The following SPARC variants were observed in gnomAD, a reference collection of about 807,000 sequenced individuals.
SPARC encodes the protein secreted protein acidic and cysteine rich.
SPARC carries 23 observed loss-of-function variants against 37.7 expected under a neutral mutation model. The observed-to-expected ratio is 0.61, with a 90% confidence interval of 0.44 to 0.87. SPARC has a LOEUF of 0.87. Among genes scored for constraint, SPARC ranks in the 40% least tolerant of loss-of-function variants. The probability of loss-of-function intolerance (pLI) is 0.00; values close to 1 mark genes in which losing one functional copy is unlikely to be tolerated. For missense variants in SPARC, 312 were observed against 389.0 expected (o/e 0.80, Z 1.66); for synonymous variants, 155 against 150.8 (o/e 1.03, Z -0.20).
At chr5:151,667,361 T>C (rs1760646058) in intron 7 of SPARC, 106 bp downstream of exon 7, 23 of 1,300,910 alleles carry the variant, frequency 1.8e-5, no homozygotes, top group South Asian at 5.0e-5. Flanking sequence ...CAGGGGTAAA[T>C]GCACGCTCCG....
rs1760496263 is a variant in SPARC, at chr5:151,661,320, CT to C, written c.*2250del. On this transcript the variant is annotated 3_prime_UTR_variant, in exon 10 of 10. Transcript: ENST00000231061. ...TGCTGAAATTTACTTCAATTCCTCT[CT>C]CTACAGATTCCTAGAGATTATGAGA... 1 of 152,190 alleles carries C rather than the reference CT, an allele frequency of 6.6e-6. No homozygotes were observed. Among genetic ancestry groups the C allele is most frequent in the Non-Finnish European group, 1.5e-5 (1 of 68,042 alleles). The allele number at this position is 152,190 out of a possible 1,614,324, so 9.4% of individuals were successfully genotyped here. A position where few individuals can be genotyped will look rare whatever the true frequency, so the allele number is the denominator to read the frequency against.
chr5:151,678,578 G>C (rs538851813), intron 1 of SPARC, among the ~76,000 whole-genome samples: 11 of 152,286 alleles, frequency 7.2e-5, no homozygotes, highest in Non-Finnish European at 1.2e-4. Context: ...CTGTCCTAAT[G>C]GGGAATCTGA....
At chr5:151,666,778 G>A (rs1760633478) in intron 7 of SPARC, among the ~76,000 whole-genome samples, 1 of 152,300 alleles carries the variant, frequency 6.6e-6, no homozygotes, top group East Asian at 1.9e-4. Flanking sequence ...TAATCCCAGC[G>A]CTTTGGGAGG....
rs760050789 is a variant in SPARC, at chr5:151,661,616, G to A, written c.*1955C>T. On this transcript the variant is annotated 3_prime_UTR_variant, in exon 10 of 10. Coordinates refer to ENST00000231061, the MANE Select transcript of SPARC (RefSeq NM_003118.4). ...GTCTCAAAACCCCAGCTCAAAATAC[G>A]ACACTAACATGATGAACATGCATGA... 6.6e-6 allele frequency: 1 copy of A among 152,248 alleles called. No individual in the cohort carries two copies. The highest frequency in any genetic ancestry group is 1.9e-4 in the East Asian group (1 of 5,180). The allele number at this position is 152,248 out of a possible 1,614,324, so 9.4% of individuals were successfully genotyped here. A position where few individuals can be genotyped will look rare whatever the true frequency, so the allele number is the denominator to read the frequency against.
intron 4 of SPARC, 158 bp from the exon 5 acceptor site, chr5:151,671,852 C>T (rs1380419912): frequency 1.2e-6 from 1 of 858,528 alleles, no homozygotes; most frequent in Non-Finnish European, 1.8e-6. Context: ...CTGAGCCTCA[C>T]AGTCAACATT....
In SPARC at chr5:151,676,036, C is replaced by G. The variant is rs1461955061; in HGVS notation, c.57+96G>C. The G allele has an allele frequency of 4.0e-6, 4 of 991,340 alleles. No individual in the cohort carries two copies. The Admixed American group carries it at 9.0e-5, about 22-fold the overall frequency. 61.4% of individuals were successfully genotyped at this position (991,340 alleles called of 1,614,324 possible). A position where few individuals can be genotyped will look rare whatever the true frequency, so the allele number is the denominator to read the frequency against. On this transcript the variant is annotated intron_variant, in intron 2 of 9. Coordinates refer to ENST00000231061, the MANE Select transcript of SPARC (RefSeq NM_003118.4). Reference sequence around the variant, plus strand: ...GACCACTAACTTGAAATGGGGAAGTCCCTGTTCCCTTTCAGCATCCAGGGC... The same window carrying G: ...GACCACTAACTTGAAATGGGGAAGTGCCTGTTCCCTTTCAGCATCCAGGGC...
At chr5:151,684,206 T>A (rs757998960) in intron 1 of SPARC, among the ~76,000 whole-genome samples, 4 of 152,170 alleles carry the variant, frequency 2.6e-5, no homozygotes, top group African/African-American at 4.8e-5. Flanking sequence ...TCTTTTCAAC[T>A]GGGGGTGCAG....
chr5:151,662,069 T>G lies in SPARC; in HGVS notation c.*1502A>C, dbSNP rs1260366689. On this transcript the variant is annotated 3_prime_UTR_variant, in exon 10 of 10. Coordinates refer to ENST00000231061, the MANE Select transcript of SPARC (RefSeq NM_003118.4). Reference sequence around the variant, plus strand: ...TACTTTGCCATAACTGTGTCCCCAGTGCTTGGCATGGGACCTGGTGCAGAG... The same window carrying G: ...TACTTTGCCATAACTGTGTCCCCAGGGCTTGGCATGGGACCTGGTGCAGAG... 3 of 152,618 alleles carry G rather than the reference T, an allele frequency of 2.0e-5. No individual in the cohort carries two copies. The highest frequency in any genetic ancestry group is 2.9e-5 in the Non-Finnish European group (2 of 68,038). The allele number at this position is 152,618 out of a possible 1,614,324, so 9.5% of individuals were successfully genotyped here. A position where few individuals can be genotyped will look rare whatever the true frequency, so the allele number is the denominator to read the frequency against.
At chr5:151,666,611 G>T in intron 7 of SPARC, 102 bp from the exon 8 acceptor site, 1 of 1,064,852 alleles carries the variant, frequency 9.4e-7, no homozygotes, top group Non-Finnish European at 1.4e-6. Flanking sequence ...GCAGAGACTA[G>T]CCAGACCAAA....
chr5:151,685,578 C>G (rs1035068996), intron 1 of SPARC, among the ~76,000 whole-genome samples: 4 of 152,058 alleles, frequency 2.6e-5, no homozygotes, highest in African/African-American at 7.3e-5. Context: ...CCCCAAAGAG[C>G]CTTCAGTTTC....
chr5:151,664,258 G>A, intron 8 of SPARC, 23 bp from the exon 9 acceptor site: 1 of 1,608,476 alleles, frequency 6.2e-7, no homozygotes, highest in Non-Finnish European at 8.5e-7. Context: ...AGGCAGGGGA[G>A]GGCCTGAGGC....
chr5:151,674,626 CCA>C lies in SPARC; in HGVS notation c.104_105del (p.Val35GlyfsTer5). On this transcript the variant is annotated frameshift_variant, in exon 3 of 10. Transcript: ENST00000231061. LOFTEE classifies it high-confidence loss of function. The stretch of plus-strand genomic sequence containing the variant: ...TGCCCACATACCTCAGTCACCTCTG[CCA>C]CAGTTTCTTCCACCACCTCTGTCTC... ...PDETEVVEETVAEVTEVSVGA... is the reference protein window; with the variant it reads ...PDETEVVEETXAEVTEVSVGA... 1 of 1,614,174 alleles carries C rather than the reference CCA, an allele frequency of 6.2e-7. No individual in the cohort carries two copies. Among genetic ancestry groups the C allele is most frequent in the Non-Finnish European group, 8.5e-7 (1 of 1,180,030 alleles).
chr5:151,684,790 A>G (rs1761089948), intron 1 of SPARC, among the ~76,000 whole-genome samples: 1 of 152,004 alleles, frequency 6.6e-6, no homozygotes, highest in South Asian at 2.1e-4. Context: ...CTGTTCTTTA[A>G]CTGTAGAGGG....
rs1326169495 is a variant in SPARC at position 151,676,179 on chromosome 5, A to G, written c.10T>C (p.Trp4Arg). Residue 4 changes from tryptophan to arginine, a missense_variant, in exon 2 of 10, where the codon TGG becomes CGG. Physicochemically the swap from Trp to Arg is moderately radical, Grantham distance 101. Transcript: ENST00000231061. The stretch of plus-strand genomic sequence containing the variant: ...GCCAGGCAAAGGAGAAAGAAGATCC[A>G]GGCCCTCATGGTGCTGGGAACCCTA... MRA[W>R]IFFLLCLAGR... is the part of the protein sequence containing the mutation. The G allele has an allele frequency of 6.2e-7, 1 of 1,611,462 alleles. No individual in the cohort carries two copies. The highest frequency in any genetic ancestry group is 8.5e-7 in the Non-Finnish European group (1 of 1,179,076).
chr5:151,673,031 T>C (rs1467578533), intron 4 of SPARC, 98 bp downstream of exon 4: 32 of 846,186 alleles, frequency 3.8e-5, no homozygotes, highest in Non-Finnish European at 6.2e-5. Context: ...CCACCCTGCA[T>C]TTCTGCTGGA....
chr5:151,661,409 C>T lies in SPARC; in HGVS notation c.*2162G>A, dbSNP rs987044582. The T allele has an allele frequency of 6.6e-6, 1 of 152,210 alleles. No homozygotes were observed. Among genetic ancestry groups the T allele is most frequent in the Non-Finnish European group, 1.5e-5 (1 of 68,032 alleles). 9.4% of individuals were successfully genotyped at this position (152,210 alleles called of 1,614,324 possible). A position where few individuals can be genotyped will look rare whatever the true frequency, so the allele number is the denominator to read the frequency against. ...AAATGGGCCAATCTCTCCTACTGCT[C>T]GCCCTCCCACTGTGTAGAAGAGAAC... is the stretch of plus-strand genomic sequence containing the variant. On this transcript the variant is annotated 3_prime_UTR_variant, in exon 10 of 10. Coordinates refer to ENST00000231061, the MANE Select transcript of SPARC (RefSeq NM_003118.4).
At position 151,664,195 on chromosome 5, in the gene SPARC, G is replaced by A. The variant is rs1295477940; in HGVS notation, c.775C>T (p.Leu259Phe). The change falls in exon 9 of 10, where the codon CTC (leucine) becomes TTC (phenylalanine). Residue 259 changes from leucine (L) to phenylalanine (F), a missense_variant. Transcript: ENST00000231061. Reference sequence around the variant, plus strand: ...GTGGTGCAATGCTCCATGGGGATGAGGGGAGCACGCAGTGGAGCCAGCTCG... The same window carrying A: ...GTGGTGCAATGCTCCATGGGGATGAAGGGAGCACGCAGTGGAGCCAGCTCG... ...HTELAPLRAP[L>F]IPMEHCTTRF... The A allele has an allele frequency of 6.2e-7, 1 of 1,614,118 alleles. No individual in the cohort carries two copies. Among genetic ancestry groups the A allele is most frequent in the South Asian group, 1.1e-5 (1 of 91,088 alleles).
At chr5:151,667,158 T>C (rs1760641986) in intron 7 of SPARC, among the ~76,000 whole-genome samples, 1 of 152,154 alleles carries the variant, frequency 6.6e-6, no homozygotes, top group Admixed American at 6.5e-5. Context: ...CTTGGGGTAG[T>C]TAATATGCTC....
chr5:151,676,882 C>A (rs1760869811), intron 1 of SPARC: 1 of 152,178 alleles, frequency 6.6e-6, no homozygotes, highest in African/African-American at 2.4e-5. Flanking sequence ...AAACAAAGAA[C>A]AATAGTCTTG....
Sources: gnomAD v4.1 joint callset for allele counts (sites outside exome capture counted in the v4.1 genomes callset) on GRCh38, gnomAD v4.1.1 for gene constraint, MANE v1.5 for transcripts, NCBI Gene and HGNC (gene_info 2026-07-23, HGNC 2026-07-21) for gene names.